Variants in SEC22C observed in about 807,000 individuals in gnomAD.
SEC22C encodes vesicle-trafficking protein SEC22c.
SEC22C carries 29 observed loss-of-function variants against 34.7 expected under a neutral mutation model. The observed-to-expected ratio is 0.84, with a 90% CI of 0.62 to 1.14. The LOEUF (loss-of-function observed/expected upper bound fraction) is 1.14, where lower values mean the gene tolerates loss of function less well. SEC22C is among the 50% of genes most tolerant of loss of function. The probability of loss-of-function intolerance (pLI) is 0.00; values close to 1 mark genes in which losing one functional copy is unlikely to be tolerated. For missense variants in SEC22C, 337 were observed against 369.0 expected, an observed-to-expected ratio of 0.91 and a Z score of 0.71; for synonymous variants, 117 against 132.8, an observed-to-expected ratio of 0.88 and a Z score of 0.82.
upstream of SEC22C, among the ~76,000 whole-genome samples, chr3:42,586,585 TAA>T (rs35415799): frequency 6.4e-5 from 9 of 139,700 alleles, no homozygotes; most frequent in Non-Finnish European, 9.3e-5. Flanking sequence ...AGTCACTGTT[TAA>T]AAAAAAAAAA....
rs757983150 is a variant in SEC22C at position 42,551,024 on chromosome 3, G to A, written c.*2224C>T. 5.8e-5 allele frequency: 46 copies of A among 798,238 alleles called. No homozygotes were observed. The highest frequency in any genetic ancestry group is 6.4e-5 in the Non-Finnish European group (42 of 659,944). The allele number at this position is 798,238 out of a possible 1,614,324, so 49.4% of individuals were successfully genotyped here. ...GCTGGGGCTACAGGCACAAGCCACC[G>A]TGCCCAGCTAATTTTTGTATTTTTA... On this transcript the variant is annotated 3_prime_UTR_variant, in exon 7 of 7. Coordinates refer to ENST00000264454, the MANE Select transcript of SEC22C (RefSeq NM_032970.4).
intron 1 of SEC22C, among the ~76,000 whole-genome samples, chr3:42,578,311 G>A (rs558944544): frequency 2.6e-5 from 4 of 152,228 alleles, no homozygotes; most frequent in East Asian, 3.9e-4. Flanking sequence ...TAAAAAGCCC[G>A]TATCAAAAGG....
chr3:42,598,243 T>C (rs1215636483), intron 1 of SEC22C, among the ~76,000 whole-genome samples: 1 of 151,624 alleles, frequency 6.6e-6, no homozygotes, highest in African/African-American at 2.4e-5. Flanking sequence ...TTATTCAGCC[T>C]CAAAAAAGGA....
chr3:42,577,020 G>C (rs1480472669), intron 1 of SEC22C, among the ~76,000 whole-genome samples: 1 of 152,056 alleles, frequency 6.6e-6, no homozygotes, highest in Non-Finnish European at 1.5e-5. Context: ...AGTAATTTAA[G>C]GGAGGAAGGG....
chr3:42,595,948 C>G (rs1226204250), intron 1 of SEC22C, among the ~76,000 whole-genome samples: 1 of 152,168 alleles, frequency 6.6e-6, no homozygotes, highest in African/African-American at 2.4e-5. Context: ...ACATGTTAAT[C>G]TATGTTAGCA....
intron 1 of SEC22C, among the ~76,000 whole-genome samples, chr3:42,572,642 T>A (rs1019393121): frequency 4.6e-5 from 7 of 152,158 alleles, no homozygotes; most frequent in Non-Finnish European, 1.0e-4. Flanking sequence ...AATAAGACAG[T>A]CCCTTGCTTC....
At chr3:42,589,234 A>C (rs1704727618) in intron 1 of SEC22C, among the ~76,000 whole-genome samples, 1 of 151,740 alleles carries the variant, frequency 6.6e-6, no homozygotes, top group East Asian at 1.9e-4. Flanking sequence ...ACACCACTGC[A>C]CTCCAGCCTG....
chr3:42,600,950 CT>C (rs1705351109), intron 1 of SEC22C: 17 of 1,438,380 alleles, frequency 1.2e-5, no homozygotes, highest in Non-Finnish European at 1.6e-5. Context: ...GCCCTCGCCC[CT>C]GCCCTGACCG....
chr3:42,592,337 C>G (rs1243232108), intron 1 of SEC22C, among the ~76,000 whole-genome samples: 2 of 152,012 alleles, frequency 1.3e-5, no homozygotes, highest in Non-Finnish European at 2.9e-5. Flanking sequence ...GTAGCTGGGA[C>G]TACAGGCGTG....
chr3:42,586,836 A>G (rs1267582941), upstream of SEC22C, among the ~76,000 whole-genome samples: 2 of 152,128 alleles, frequency 1.3e-5, no homozygotes, highest in African/African-American at 4.8e-5. Flanking sequence ...AAGCCTCAAC[A>G]TCGTTTGACA....
chr3:42,592,198 C>T (rs1425146576), intron 1 of SEC22C, among the ~76,000 whole-genome samples: 1 of 151,716 alleles, frequency 6.6e-6, no homozygotes. Flanking sequence ...CCATTTTTTT[C>T]TTTTCTTTTT....
rs149771920 is a variant in SEC22C, at chr3:42,558,064, G to C, written c.527-368C>G. Among the ~76,000 whole-genome samples, 611 of 152,346 alleles carry C rather than the reference G, an allele frequency of 4.0e-3. 3 individuals are homozygous for C. Among genetic ancestry groups the C allele is most frequent in the Non-Finnish European group, 7.3e-3 (494 of 68,038 alleles). On this transcript the variant is annotated intron_variant, in intron 4 of 6. Coordinates refer to ENST00000264454, the MANE Select transcript of SEC22C (RefSeq NM_032970.4). ...TTTCTGGTTGTCACAACTAGAGACA[G>C]GCTGCTACTGGCATCTAGTGGATAG...
chr3:42,568,049 G>A (rs115229564), intron 2 of SEC22C, among the ~76,000 whole-genome samples: 5,069 of 151,874 alleles, frequency 0.033, 141 homozygotes, highest in East Asian at 0.12. Flanking sequence ...TCCAGCCTGG[G>A]CCACAAGGGC....
At chr3:42,596,356 G>C in intron 1 of SEC22C, among the ~76,000 whole-genome samples, 1 of 152,130 alleles carries the variant, frequency 6.6e-6, no homozygotes, top group East Asian at 1.9e-4. Flanking sequence ...TATTTTGTCT[G>C]TTTCCCCACT....
At chr3:42,585,940 A>T (rs1262130582), upstream of SEC22C, among the ~76,000 whole-genome samples, 1 of 150,106 alleles carries the variant, frequency 6.7e-6, no homozygotes, top group Non-Finnish European at 1.5e-5. Context: ...CCACTCTTCA[A>T]CCCCCCCTCC....
At chr3:42,584,079 T>G (rs1704528886), upstream of SEC22C, among the ~76,000 whole-genome samples, 1 of 152,180 alleles carries the variant, frequency 6.6e-6, no homozygotes, top group African/African-American at 2.4e-5. Context: ...TCAGCCTCCA[T>G]AACTATGTGA....
chr3:42,553,049 T>C lies in SEC22C; in HGVS notation c.*199A>G. 7.1e-7 allele frequency: 1 copy of C among 1,416,806 alleles called. No homozygotes were observed. The highest frequency in any genetic ancestry group is 9.2e-7 in the Non-Finnish European group (1 of 1,090,512). The allele number at this position is 1,416,806 out of a possible 1,614,324, so 87.8% of individuals were successfully genotyped here. ...GAACTGGCTGGAGATCCTGCAGTAATGCTTGGCACAGAACCAAGGCTGGGT... is the reference window on the plus strand; with the variant it reads ...GAACTGGCTGGAGATCCTGCAGTAACGCTTGGCACAGAACCAAGGCTGGGT... On this transcript the variant is annotated 3_prime_UTR_variant, in exon 7 of 7. Transcript: ENST00000264454.
Position 42,551,170 on chromosome 3 carries a change from A to T in SEC22C, c.*2078T>A. ...AAAGCTTTTTTGTTCTTCTCATTTAAAACATTTTACCTCCCCTCCTTAACT... is the reference window on the plus strand; with the variant it reads ...AAAGCTTTTTTGTTCTTCTCATTTATAACATTTTACCTCCCCTCCTTAACT... On this transcript the variant is annotated 3_prime_UTR_variant, in exon 7 of 7. Coordinates refer to ENST00000264454, the MANE Select transcript of SEC22C (RefSeq NM_032970.4). 1 of 985,286 alleles carries T rather than the reference A, an allele frequency of 1.0e-6. No individual in the cohort carries two copies. The highest frequency in any genetic ancestry group is 1.2e-6 in the Non-Finnish European group (1 of 829,898). 61.0% of individuals were successfully genotyped at this position (985,286 alleles called of 1,614,324 possible). A position where few individuals can be genotyped will look rare whatever the true frequency, so the allele number is the denominator to read the frequency against.
At chr3:42,575,266 C>T (rs1453333526) in intron 1 of SEC22C, among the ~76,000 whole-genome samples, 2 of 152,184 alleles carry the variant, frequency 1.3e-5, no homozygotes, top group Admixed American at 1.3e-4. Context: ...AAAGGGCAGA[C>T]TTATTCCCTA....
Sources: allele counts gnomAD v4.1 joint callset (sites outside exome capture counted in the v4.1 genomes callset), GRCh38; gene constraint gnomAD v4.1.1; transcripts MANE v1.5; gene names NCBI Gene and HGNC (gene_info 2026-07-23, HGNC 2026-07-21).